Variants in PTPRN2 observed in about 807,000 individuals in gnomAD.
The protein encoded by PTPRN2 is receptor-type tyrosine-protein phosphatase N2.
A neutral mutation model predicts 118.8 loss-of-function variants in PTPRN2; 74 were observed. The observed-to-expected ratio is 0.62, with a 90% confidence interval of 0.52 to 0.76. PTPRN2 has a LOEUF of 0.76. PTPRN2 is among the 30% of genes least tolerant of loss of function. The pLI, the probability that PTPRN2 is intolerant of heterozygous loss-of-function variation, is 0.00. For synonymous variants in PTPRN2, 641 were observed against 608.0 expected (o/e 1.05, Z -0.80); for missense variants, 1,481 against 1,394.4 (o/e 1.06, Z -0.99).
chr7:157,733,655 C>G (rs1470170224), intron 12 of PTPRN2, among the ~76,000 whole-genome samples: 1 of 734 alleles, frequency 1.4e-3, no homozygotes, highest in Non-Finnish European at 3.0e-3. Flanking sequence ...GTTACCCTTT[C>G]CCGTCCCATG....
chr7:158,001,176 G>A, intron 11 of PTPRN2, among the ~76,000 whole-genome samples: 1 of 142,310 alleles, frequency 7.0e-6, no homozygotes, highest in East Asian at 2.2e-4. Flanking sequence ...CGCAGGTCTG[G>A]TGCAACGTGG....
chr7:158,133,078 TAA>T (rs1818505286), intron 9 of PTPRN2, among the ~76,000 whole-genome samples: 2 of 152,246 alleles, frequency 1.3e-5, no homozygotes, highest in African/African-American at 4.8e-5. Context: ...TGAGACTCGT[TAA>T]GTTCAGATCG....
At chr7:157,543,542 G>A (rs538383138) in intron 22 of PTPRN2, among the ~76,000 whole-genome samples, 8 of 152,340 alleles carry the variant, frequency 5.3e-5, no homozygotes, top group Non-Finnish European at 8.8e-5. Flanking sequence ...CATGGCTCTC[G>A]GACACCCGCT....
intron 3 of PTPRN2, among the ~76,000 whole-genome samples, chr7:158,248,386 A>T (rs115134804): frequency 2.3e-3 from 352 of 152,290 alleles, no homozygotes; most frequent in African/African-American, 7.7e-3. Flanking sequence ...AGCCCTCCCA[A>T]GGGGCAGCCA....
At chr7:157,958,631 A>C (rs146197456) in intron 11 of PTPRN2, among the ~76,000 whole-genome samples, 112 of 152,346 alleles carry the variant, frequency 7.4e-4, no homozygotes, top group African/African-American at 2.6e-3. Flanking sequence ...CAATGCCAAA[A>C]GGACATTTAA....
At chr7:157,661,025 A>C (rs1359514951) in intron 13 of PTPRN2, among the ~76,000 whole-genome samples, 1 of 152,192 alleles carries the variant, frequency 6.6e-6, no homozygotes, top group African/African-American at 2.4e-5. Flanking sequence ...AAGTGTTGGG[A>C]TTACAGGCGT....
chr7:158,058,985 C>A (rs1281994961), intron 11 of PTPRN2, among the ~76,000 whole-genome samples: 8 of 86,844 alleles, frequency 9.2e-5, no homozygotes, highest in Admixed American at 1.0e-4. Flanking sequence ...CTCCATCTGC[C>A]CACAGTGAGA....
chr7:157,654,066 C>T (rs867370417), intron 14 of PTPRN2, among the ~76,000 whole-genome samples: 2 of 116,772 alleles, frequency 1.7e-5, no homozygotes, highest in Non-Finnish European at 3.5e-5. Context: ...CGATGCCCGC[C>T]GCTCCCCACA....
At chr7:157,937,201 C>G (rs1025899133) in intron 11 of PTPRN2, among the ~76,000 whole-genome samples, 1 of 152,190 alleles carries the variant, frequency 6.6e-6, no homozygotes, top group Non-Finnish European at 1.5e-5. Context: ...GTGGTGGGTC[C>G]TTAGCCCGAG....
At chr7:158,474,656 T>G (rs1820108664) in intron 2 of PTPRN2, among the ~76,000 whole-genome samples, 1 of 152,006 alleles carries the variant, frequency 6.6e-6, no homozygotes, top group Admixed American at 6.5e-5. Context: ...CAAGGTCAGC[T>G]AAGAGGCGGG....
At position 157,674,309 on chromosome 7, in the gene PTPRN2, G is replaced by T. The variant is rs922578758; in HGVS notation, c.2001+8416C>A. ...GGAGGCCTCCCCAGGAGGCGAGGGT[G>T]GGGGGACTCCTGCTGGAGGCGGCCG... On this transcript the variant is annotated intron_variant, in intron 13 of 22. Transcript: ENST00000389418. The surrounding 1 kb of genome is among the most constrained non-coding windows in gnomAD (Gnocchi z 4.5). Among the ~76,000 whole-genome samples the T allele has an allele frequency of 1.3e-5, 2 of 152,118 alleles. No individual in the cohort carries two copies. Among genetic ancestry groups the T allele is most frequent in the African/African-American group, 2.4e-5 (1 of 41,430 alleles).
chr7:157,574,554 T>A (rs1441146389), intron 19 of PTPRN2: 6 of 290,116 alleles, frequency 2.1e-5, no homozygotes, highest in South Asian at 2.0e-4. Flanking sequence ...AGCAAAGCCC[T>A]CACATGTGAT....
At chr7:157,703,710 C>T (rs1377016974) in intron 12 of PTPRN2, among the ~76,000 whole-genome samples, 1 of 152,112 alleles carries the variant, frequency 6.6e-6, no homozygotes, top group Non-Finnish European at 1.5e-5. Context: ...TGCGGTCCAA[C>T]CCCCACCTCA....
At chr7:158,414,476 C>G (rs1442495872) in intron 2 of PTPRN2, among the ~76,000 whole-genome samples, 2 of 50,052 alleles carry the variant, frequency 4.0e-5, no homozygotes, top group Non-Finnish European at 1.1e-4. Flanking sequence ...GATTTCACTA[C>G]AGTAATTGCA....
intron 11 of PTPRN2, among the ~76,000 whole-genome samples, chr7:158,072,364 A>C (rs1007592182): frequency 1.3e-5 from 2 of 152,166 alleles, no homozygotes; most frequent in East Asian, 3.9e-4. Context: ...TAAATTTTCA[A>C]GAATGGGCCT....
intron 12 of PTPRN2, among the ~76,000 whole-genome samples, chr7:157,828,955 G>A (rs2151156329): frequency 6.6e-6 from 1 of 152,328 alleles, no homozygotes; most frequent in East Asian, 1.9e-4. Flanking sequence ...ATTTCTTTAT[G>A]CATCATGGTT....
chr7:158,356,631 G>A (rs1376683905), intron 2 of PTPRN2, among the ~76,000 whole-genome samples: 2 of 152,136 alleles, frequency 1.3e-5, no homozygotes, highest in Non-Finnish European at 2.9e-5. Flanking sequence ...CTGATGCTGA[G>A]CAGGCACCAC....
intron 11 of PTPRN2, among the ~76,000 whole-genome samples, chr7:157,976,240 G>A (rs1349621679): frequency 6.6e-6 from 1 of 152,234 alleles, no homozygotes; most frequent in African/African-American, 2.4e-5. Flanking sequence ...CTTCTCTGAT[G>A]TGAGGTGCTC....
rs1208448173 is a variant in PTPRN2 at position 158,516,922 on chromosome 7, T to C, written c.113-27137A>G. On this transcript the variant is annotated intron_variant, in intron 1 of 22. Transcript: ENST00000389418. Reference sequence around the variant, plus strand: ...CTGGTGCTGTTCTTGGTGTTTCTGCTATTCCTGTAACCTGCAAGGCTTTTC... The same window carrying C: ...CTGGTGCTGTTCTTGGTGTTTCTGCCATTCCTGTAACCTGCAAGGCTTTTC... Among the ~76,000 whole-genome samples the C allele has an allele frequency of 3.3e-5, 5 of 152,210 alleles. No individual in the cohort carries two copies. The East Asian group carries it at 9.6e-4, about 29-fold the overall frequency.
Sources: gnomAD v4.1 joint callset for allele counts (sites outside exome capture counted in the v4.1 genomes callset) on GRCh38, gnomAD v4.1.1 for gene constraint, Gnocchi (gnomAD v3.1) non-coding constraint, MANE v1.5 for transcripts, NCBI Gene and HGNC (gene_info 2026-07-23, HGNC 2026-07-21) for gene names.